ANGPT1: variants seen among roughly 807,000 people sequenced by gnomAD.
ANGPT1 encodes angiopoietin-1.
ANGPT1 carries 17 observed loss-of-function variants against 62.2 expected under a neutral mutation model. The ratio of observed to expected loss-of-function variants is 0.27; its 90% CI spans 0.19 to 0.41. ANGPT1 has a LOEUF of 0.41. ANGPT1 is among the 10% of genes least tolerant of loss of function. The pLI is 1.00. For synonymous variants in ANGPT1, 199 were observed against 198.9 expected, an observed-to-expected ratio of 1.00 and a Z score of 0.00; for missense variants, 478 against 594.9, an observed-to-expected ratio of 0.80 and a Z score of 2.04.
At chr8:107,384,122 A>C (rs1266794108) in intron 1 of ANGPT1, among the ~76,000 whole-genome samples, 2 of 152,110 alleles carry the variant, frequency 1.3e-5, no homozygotes, top group South Asian at 2.1e-4. Flanking sequence ...GTGGAGTCTA[A>C]GGTCCAGGAT....
At chr8:107,445,146 T>C (rs1257747561) in intron 1 of ANGPT1, among the ~76,000 whole-genome samples, 1 of 152,204 alleles carries the variant, frequency 6.6e-6, no homozygotes, top group African/African-American at 2.4e-5. Context: ...ACATCTCCTA[T>C]CATATCAGAA....
chr8:107,354,619 G>A (rs1816002334), intron 1 of ANGPT1, among the ~76,000 whole-genome samples: 1 of 151,732 alleles, frequency 6.6e-6, no homozygotes, highest in Non-Finnish European at 1.5e-5. Context: ...CTTAATGGCA[G>A]TAAAGAAACA....
chr8:107,367,555 C>T (rs1419621447), intron 1 of ANGPT1, among the ~76,000 whole-genome samples: 1 of 152,138 alleles, frequency 6.6e-6, no homozygotes, highest in Non-Finnish European at 1.5e-5. Context: ...CTCTCTGTCT[C>T]TCTCTGTCTC....
chr8:107,388,022 TC>T (rs1029574776), intron 1 of ANGPT1, among the ~76,000 whole-genome samples: 3 of 127,188 alleles, frequency 2.4e-5, no homozygotes, highest in Non-Finnish European at 5.5e-5. Flanking sequence ...TTGCCAGTAA[TC>T]TATATTAATT....
intron 1 of ANGPT1, among the ~76,000 whole-genome samples, chr8:107,481,532 C>CAAAAAAAAAAAAAAAAA (rs71562147): frequency 1.9e-4 from 12 of 64,312 alleles, no homozygotes; most frequent in Admixed American, 6.0e-4. Context: ...GACTCTGTCT[C>CAAAAAAAAAAAAAAAAA]AAAAAAAAAA....
At chr8:107,289,373 T>C (rs1374967601) in intron 6 of ANGPT1, among the ~76,000 whole-genome samples, 2 of 152,198 alleles carry the variant, frequency 1.3e-5, no homozygotes, top group Non-Finnish European at 2.9e-5. Flanking sequence ...ATTTGTTTTG[T>C]CTGATAATGC....
At chr8:107,295,719 T>C in intron 5 of ANGPT1, among the ~76,000 whole-genome samples, 1 of 152,146 alleles carries the variant, frequency 6.6e-6, no homozygotes, top group Admixed American at 6.6e-5. Flanking sequence ...TTGGACACCT[T>C]AGCCTTTGAG....
rs893773427 is a variant in ANGPT1, at chr8:107,249,648, C to T, written c.*2207G>A. 3 of 151,892 alleles carry T rather than the reference C, an allele frequency of 2.0e-5. No individual in the cohort carries two copies. Among genetic ancestry groups the T allele is most frequent in the East Asian group, 1.9e-4 (1 of 5,184 alleles). 9.4% of individuals were successfully genotyped at this position (151,892 alleles called of 1,614,324 possible). ...CATGTTAAATTGCCATAAACATGTA[C>T]GTATTACATAATACACATAACAATC... is the stretch of plus-strand genomic sequence containing the variant. On this transcript the variant is annotated 3_prime_UTR_variant, in exon 9 of 9. Transcript: ENST00000517746.
intron 1 of ANGPT1, among the ~76,000 whole-genome samples, chr8:107,471,982 C>T (rs963899633): frequency 6.6e-6 from 1 of 152,030 alleles, no homozygotes; most frequent in Non-Finnish European, 1.5e-5. Flanking sequence ...CAGAATACCA[C>T]ACTACATTTA....
chr8:107,363,084 G>A (rs1443993411), intron 1 of ANGPT1, among the ~76,000 whole-genome samples: 3 of 126,262 alleles, frequency 2.4e-5, no homozygotes, highest in Non-Finnish European at 3.4e-5. Flanking sequence ...GGGAACCTGA[G>A]TGCTTTTTTT....
chr8:107,447,710 A>G (rs977641144), intron 1 of ANGPT1, among the ~76,000 whole-genome samples: 15 of 152,312 alleles, frequency 9.8e-5, no homozygotes, highest in African/African-American at 3.4e-4. Context: ...CCACCAGTTC[A>G]GTGGCTTTCC....
intron 1 of ANGPT1, among the ~76,000 whole-genome samples, chr8:107,361,447 A>G (rs1319293059): frequency 3.4e-5 from 5 of 148,558 alleles, no homozygotes; most frequent in Admixed American, 6.8e-5. Context: ...TAGAATATAT[A>G]TAGATCTATC....
chr8:107,259,610 T>G (rs1184367439), intron 8 of ANGPT1, among the ~76,000 whole-genome samples: 1 of 152,152 alleles, frequency 6.6e-6, no homozygotes, highest in African/African-American at 2.4e-5. Context: ...TATTATGTAC[T>G]AAATATGGAA....
chr8:107,443,891 A>G (rs1811544045), intron 1 of ANGPT1, among the ~76,000 whole-genome samples: 1 of 152,028 alleles, frequency 6.6e-6, no homozygotes, highest in South Asian at 2.1e-4. Flanking sequence ...GATCATTGGT[A>G]TTGGAGAACA....
Position 107,395,339 on chromosome 8 carries a change from G to A in ANGPT1, c.298-48242C>T, listed in dbSNP as rs181197947. Among the ~76,000 whole-genome samples, 63 of 152,246 alleles carry A rather than the reference G, an allele frequency of 4.1e-4. 1 individual carries two copies. Among genetic ancestry groups the A allele is most frequent in the Admixed American group, 3.7e-3 (56 of 15,292 alleles). ...GTATAGACTATGTAAGGATCAAGTC[G>A]AGGTATTTATATCACCTTGAGTATT... On this transcript the variant is annotated intron_variant, in intron 1 of 8. Coordinates refer to ENST00000517746, the MANE Select transcript of ANGPT1 (RefSeq NM_001146.5).
intron 3 of ANGPT1, among the ~76,000 whole-genome samples, chr8:107,324,995 T>C (rs937877105): frequency 1.3e-4 from 20 of 152,320 alleles, no homozygotes; most frequent in African/African-American, 4.3e-4. Context: ...AAAAATTCTT[T>C]TGGAAATGAA....
Position 107,344,432 on chromosome 8 carries a change from G to A in ANGPT1, c.453+2510C>T, listed in dbSNP as rs59741166. Among the ~76,000 whole-genome samples, 1,383 of 152,282 alleles carry A rather than the reference G, an allele frequency of 9.1e-3. 24 individuals are homozygous for A. Among genetic ancestry groups the A allele is most frequent in the African/African-American group, 0.027 (1,118 of 41,548 alleles). ...TAAGGGGGAAGGAAAAGGCATGGTG[G>A]TGGTTTCTGATTCTTGCCACCATGG... On this transcript the variant is annotated intron_variant, in intron 2 of 8. Transcript: ENST00000517746.
chr8:107,474,255 T>A (rs1157628617), intron 1 of ANGPT1, among the ~76,000 whole-genome samples: 1 of 152,084 alleles, frequency 6.6e-6, no homozygotes, highest in Non-Finnish European at 1.5e-5. Context: ...GTGGGCTTCA[T>A]CCTGGGATGC....
intron 3 of ANGPT1, among the ~76,000 whole-genome samples, chr8:107,324,197 ATATATATG>A (rs771179796): frequency 1.6e-5 from 2 of 121,982 alleles, no homozygotes; most frequent in Admixed American, 8.8e-5. Context: ...GTATATATGT[ATATATATG>A]TATATATATA....
Sources: allele counts gnomAD v4.1 joint callset (sites outside exome capture counted in the v4.1 genomes callset), GRCh38; gene constraint gnomAD v4.1.1; transcripts MANE v1.5; gene names NCBI Gene and HGNC (gene_info 2026-07-23, HGNC 2026-07-21).